Variants in GCLC observed in about 807,000 individuals in gnomAD.
The protein encoded by GCLC is glutamate--cysteine ligase catalytic subunit.
A neutral mutation model predicts 81.5 loss-of-function variants in GCLC; 30 were observed. That is an observed-to-expected ratio of 0.37 (90% CI 0.28 to 0.50). GCLC has a LOEUF of 0.50. Among genes scored for constraint, GCLC ranks in the 20% least tolerant of loss-of-function variants. The pLI is 0.96. For missense variants in GCLC, 556 were observed against 777.4 expected (o/e 0.72, Z 3.39); for synonymous variants, 262 against 273.3 (o/e 0.96, Z 0.41).
In GCLC at chr6:53,520,934, T is replaced by C; in HGVS notation, c.290A>G (p.Tyr97Cys). ...TGTCCCTTCAATCATGTAACTCCCA[T>C]ACTCTGGTCTCCAAAGGGTAGGATG... ...PNHPTLWRPE[Y>C]GSYMIEGTPG... The change falls in exon 3 of 16, where the codon TAT (tyrosine) becomes TGT (cysteine). Residue 97 changes from tyrosine to cysteine, a missense_variant. Transcript: ENST00000650454. The C allele has an allele frequency of 6.2e-7, 1 of 1,613,742 alleles. No individual in the cohort carries two copies. Among genetic ancestry groups the C allele is most frequent in the Non-Finnish European group, 8.5e-7 (1 of 1,179,594 alleles).
At chr6:53,526,426 G>A (rs9370216) in intron 1 of GCLC, among the ~76,000 whole-genome samples, 16 of 152,182 alleles carry the variant, frequency 1.1e-4, no homozygotes, top group African/African-American at 3.9e-4. Flanking sequence ...ACTAGCATAA[G>A]ATAAAAATTT....
chr6:53,533,213 T>G (rs193138392), intron 1 of GCLC, among the ~76,000 whole-genome samples: 131 of 152,344 alleles, frequency 8.6e-4, no homozygotes, highest in Non-Finnish European at 1.6e-3. Flanking sequence ...GCTGTCCCAG[T>G]GCAGGCCTGT....
chr6:53,508,098 G>A (rs1764651457), intron 8 of GCLC, among the ~76,000 whole-genome samples: 1 of 152,120 alleles, frequency 6.6e-6, no homozygotes, highest in Non-Finnish European at 1.5e-5. Flanking sequence ...CCATCCTAGA[G>A]ATTCTTATTT....
intron 1 of GCLC, 103 bp downstream of exon 1, chr6:53,544,393 G>A: frequency 7.9e-7 from 1 of 1,261,306 alleles, no homozygotes; most frequent in South Asian, 1.3e-5. Flanking sequence ...GGGCGCAGTG[G>A]AGAACGCGGA....
At chr6:53,511,310 C>A (rs574420000) in intron 6 of GCLC, among the ~76,000 whole-genome samples, 23 of 151,596 alleles carry the variant, frequency 1.5e-4, no homozygotes, top group African/African-American at 2.7e-4. Context: ...TTTAAAAAAA[C>A]CAAAAAACAA....
chr6:53,519,979 G>A (rs1360988550), intron 3 of GCLC, among the ~76,000 whole-genome samples: 2 of 152,136 alleles, frequency 1.3e-5, no homozygotes, highest in Non-Finnish European at 2.9e-5. Flanking sequence ...ATAGTTCAAA[G>A]TGTTCTCCAC....
At chr6:53,500,410 G>T (rs771694548) in intron 13 of GCLC, 22 bp downstream of exon 13, 11 of 1,600,276 alleles carry the variant, frequency 6.9e-6, no homozygotes, top group South Asian at 4.4e-5. Flanking sequence ...GCTGACATTA[G>T]AAATCTAAGA....
chr6:53,524,415 T>A (rs1334042195), intron 1 of GCLC, among the ~76,000 whole-genome samples: 1 of 152,224 alleles, frequency 6.6e-6, no homozygotes, highest in Non-Finnish European at 1.5e-5. Context: ...TAATACTGGA[T>A]GAAACTATCT....
At position 53,507,012 on chromosome 6, in the gene GCLC, G is replaced by C; in HGVS notation, c.1098C>G (p.Leu366=). Reference sequence around the variant, plus strand: ...AGAGATGAGCAACATGCTGGGCCAGGAGATGATCAATGCCTGCAAAAAGAG... The same window carrying C: ...AGAGATGAGCAACATGCTGGGCCAGCAGATGATCAATGCCTGCAAAAAGAG... ...EQLLQEGIDH[L]LAQHVAHLFI... The change falls in exon 10 of 16, where the codon CTC becomes CTG. Residue 366 remains leucine, a synonymous_variant. Transcript: ENST00000650454. 1.2e-6 allele frequency: 2 copies of C among 1,601,408 alleles called. No homozygotes were observed. Among genetic ancestry groups the C allele is most frequent in the South Asian group, 2.2e-5 (2 of 90,802 alleles).
intron 1 of GCLC, among the ~76,000 whole-genome samples, chr6:53,528,725 T>C (rs772668286): frequency 4.1e-4 from 63 of 152,334 alleles, no homozygotes; most frequent in Non-Finnish European, 7.1e-4. Context: ...TCTAGTTTTC[T>C]GTAGCACAGA....
chr6:53,514,008 G>A (rs1021549867), intron 6 of GCLC, 196 bp downstream of exon 6: 1 of 615,090 alleles, frequency 1.6e-6, no homozygotes, highest in Non-Finnish European at 2.9e-6. Context: ...GAACAACAGA[G>A]TCTGTAGAAC....
At chr6:53,535,375 G>A (rs920372897) in intron 1 of GCLC, among the ~76,000 whole-genome samples, 2 of 152,170 alleles carry the variant, frequency 1.3e-5, no homozygotes, top group African/African-American at 2.4e-5. Flanking sequence ...TTAGCCAGGC[G>A]TGGTGGCGCA....
rs753466636 is a variant in GCLC, at chr6:53,520,859, G to C, written c.365C>G (p.Ala122Gly). The change falls in exon 3 of 16, where the codon GCC becomes GGC. Residue 122 changes from alanine (A) to glycine (G), a missense_variant. Around this residue, in one of 3 missense-constraint regions of GCLC, gnomAD observed 234 missense variants for 303.8 expected, o/e 0.77. Transcript: ENST00000650454. ...CTCCTTCCGGCGTTTTCGCATGTTGGCCTCAACTGTATTGAACTCGGACAT... is the reference window on the plus strand; with the variant it reads ...CTCCTTCCGGCGTTTTCGCATGTTGCCCTCAACTGTATTGAACTCGGACAT... ...GTMSEFNTVE[A>G]NMRKRRKEAT... 2 of 1,613,852 alleles carry C rather than the reference G, an allele frequency of 1.2e-6. No homozygotes were observed. Among genetic ancestry groups the C allele is most frequent in the South Asian group, 2.2e-5 (2 of 91,076 alleles).
At chr6:53,539,310 A>G (rs962832605) in intron 1 of GCLC, among the ~76,000 whole-genome samples, 6 of 152,218 alleles carry the variant, frequency 3.9e-5, no homozygotes, top group Non-Finnish European at 7.3e-5. Flanking sequence ...TTTCCCACAG[A>G]AGCAGCACAG....
intron 3 of GCLC, among the ~76,000 whole-genome samples, chr6:53,519,750 G>T (rs771654254): frequency 6.6e-6 from 1 of 152,164 alleles, no homozygotes; most frequent in Non-Finnish European, 1.5e-5. Flanking sequence ...CCTTCTGGGG[G>T]TGGAGAGAGA....
chr6:53,507,207 G>A (rs1764633355), intron 9 of GCLC, 182 bp from the exon 10 acceptor site: 6 of 673,956 alleles, frequency 8.9e-6, no homozygotes, highest in Non-Finnish European at 1.4e-5. Context: ...CTGCGGGAGT[G>A]TCAGCGTTTT....
rs866172484 is a variant in GCLC, at chr6:53,509,183, G to A, written c.821C>T (p.Pro274Leu). 1 of 1,563,976 alleles carries A rather than the reference G, an allele frequency of 6.4e-7. No individual in the cohort carries two copies. The highest frequency in any genetic ancestry group is 1.1e-5 in the South Asian group (1 of 90,148). ...GAGGTAATTTCTACTTACAACAATT[G>A]GACAGATAGTAGCCAACTGATCATA... ...YLYDQLATIC[P>L]IVMALSAASP... The change falls in exon 7 of 16, where the codon CCA becomes CTA. Residue 274 changes from proline (P) to leucine (L), a missense_variant. Physicochemically the swap from Pro to Leu is moderately conservative, Grantham distance 98. This residue lies in a region of GCLC where 313 missense variants were observed against 437.3 expected (regional missense o/e 0.72). Transcript: ENST00000650454.
At position 53,522,613 on chromosome 6, in the gene GCLC, G is replaced by C. The variant is rs974239793; in HGVS notation, c.151-86C>G. On this transcript the variant is annotated intron_variant, in intron 1 of 15. Coordinates refer to ENST00000650454, the MANE Select transcript of GCLC (RefSeq NM_001498.4). ...CCAGAAGAAAAAGGCAGGGAAACGT[G>C]AAGTCTGTAAAGGATCCACAGTAAC... The C allele has an allele frequency of 4.8e-5, 39 of 813,060 alleles. No homozygotes were observed. The African/African-American group carries it at 5.4e-4, about 11-fold the overall frequency. The allele number at this position is 813,060 out of a possible 1,614,324, so 50.4% of individuals were successfully genotyped here. A position where few individuals can be genotyped will look rare whatever the true frequency, so the allele number is the denominator to read the frequency against.
At chr6:53,541,216 CAAAAAAAA>C (rs1045130194) in intron 1 of GCLC, among the ~76,000 whole-genome samples, 21 of 151,082 alleles carry the variant, frequency 1.4e-4, no homozygotes, top group African/African-American at 5.1e-4. Flanking sequence ...GACTCCGTCT[CAAAAAAAA>C]GAAAAAAAGA....
Sources: allele counts gnomAD v4.1 joint callset (sites outside exome capture counted in the v4.1 genomes callset), GRCh38; gene constraint gnomAD v4.1.1; regional missense constraint gnomAD v4.1.1; transcripts MANE v1.5; gene names NCBI Gene and HGNC (gene_info 2026-07-23, HGNC 2026-07-21).